The following EML5 variants were observed in gnomAD, a reference collection of about 807,000 sequenced individuals.
EML5 encodes EMAP like 5.
EML5 carries 120 observed loss-of-function variants against 250.0 expected under a neutral mutation model. The ratio of observed to expected loss-of-function variants is 0.48; its 90% confidence interval spans 0.41 to 0.56. The LOEUF is 0.56. Ranked by LOEUF, EML5 falls within the 20% of genes least tolerant of loss-of-function variation. The pLI is 0.00. For missense variants in EML5, 2,006 were observed against 2,437.6 expected (o/e 0.82, Z 3.73); for synonymous variants, 771 against 806.5 (o/e 0.96, Z 0.75).
Position 88,635,354 on chromosome 14 carries a change from A to C in EML5, c.4337-865T>G, listed in dbSNP as rs181322785. ...AGACCACATAGGAAATATCATTTTT[A>C]GTTATGAATATGCTCTATTAACAAC... is the stretch of plus-strand genomic sequence containing the variant. On this transcript the variant is annotated intron_variant, in intron 32 of 43. Coordinates refer to ENST00000554922, the MANE Select transcript of EML5 (RefSeq NM_183387.3). Among the ~76,000 whole-genome samples the C allele has an allele frequency of 1.6e-4, 24 of 152,360 alleles. No individual in the cohort carries two copies. The East Asian group carries it at 3.9e-3, about 24-fold the overall frequency.
chr14:88,726,392 C>A (rs1304587354), intron 8 of EML5, 149 bp downstream of exon 8: 2 of 489,676 alleles, frequency 4.1e-6, no homozygotes, highest in Non-Finnish European at 6.5e-6. Context: ...AAATTAACAT[C>A]TGAAATATAT....
chr14:88,753,750 C>T (rs535008281), intron 2 of EML5, among the ~76,000 whole-genome samples: 46 of 152,086 alleles, frequency 3.0e-4, no homozygotes, highest in Non-Finnish European at 5.6e-4. Context: ...TTGTTGTGAA[C>T]TTTGATTTTG....
chr14:88,711,279 T>G (rs758835382), intron 10 of EML5, among the ~76,000 whole-genome samples: 1 of 150,484 alleles, frequency 6.6e-6, no homozygotes, highest in Non-Finnish European at 1.5e-5. Context: ...AGGAGAGACC[T>G]GGTGGGAGGT....
intron 17 of EML5, among the ~76,000 whole-genome samples, chr14:88,688,735 T>A (rs894185928): frequency 2.0e-5 from 3 of 152,244 alleles, no homozygotes; most frequent in Non-Finnish European, 4.4e-5. Context: ...TGATGTTTTT[T>A]AAAGTTTTTA....
chr14:88,714,035 G>A (rs1371287957), intron 9 of EML5, among the ~76,000 whole-genome samples: 1 of 148,356 alleles, frequency 6.7e-6, no homozygotes, highest in Non-Finnish European at 1.5e-5. Flanking sequence ...GCAGGGTTTC[G>A]CCATGTTGCC....
chr14:88,697,835 A>G (rs544772353), intron 14 of EML5, among the ~76,000 whole-genome samples: 1 of 152,242 alleles, frequency 6.6e-6, no homozygotes, highest in South Asian at 2.1e-4. Context: ...TCCTGGGTTC[A>G]GGTGATTCTC....
At chr14:88,754,319 A>G (rs2094134656) in intron 2 of EML5, among the ~76,000 whole-genome samples, 193 bp downstream of exon 2, 1 of 152,124 alleles carries the variant, frequency 6.6e-6, no homozygotes, top group South Asian at 2.1e-4. Context: ...AATTAATTCA[A>G]TTGAGAAAGT....
intron 27 of EML5, among the ~76,000 whole-genome samples, chr14:88,652,479 G>A (rs528622533): frequency 6.6e-6 from 1 of 152,218 alleles, no homozygotes; most frequent in East Asian, 1.9e-4. Context: ...AAATCCCTCT[G>A]ACGAAGCTTT....
intron 29 of EML5, among the ~76,000 whole-genome samples, chr14:88,646,361 T>A (rs998086796): frequency 1.3e-5 from 2 of 152,190 alleles, no homozygotes; most frequent in African/African-American, 2.4e-5. Flanking sequence ...CAAGAATATA[T>A]AAACAATGTT....
chr14:88,769,549 G>T (rs1054137702), intron 1 of EML5, among the ~76,000 whole-genome samples: 1 of 152,076 alleles, frequency 6.6e-6, no homozygotes, highest in African/African-American at 2.4e-5. Context: ...TATCTAAAAG[G>T]GCTCCTTAGG....
chr14:88,707,010 C>T (rs1345550887), intron 10 of EML5, among the ~76,000 whole-genome samples: 1 of 151,982 alleles, frequency 6.6e-6, no homozygotes, highest in African/African-American at 2.4e-5. Context: ...TTTAAAAATC[C>T]AGATATTTAA....
Position 88,614,920 on chromosome 14 carries a change from G to A in EML5, c.*898C>T, listed in dbSNP as rs879699254. On this transcript the variant is annotated 3_prime_UTR_variant, in exon 44 of 44. Transcript: ENST00000554922. ...AAGAGTGATTAAATTGTATAATGTTGTATATGTGAATTTAACACTTTTGTT... is the reference window on the plus strand; with the variant it reads ...AAGAGTGATTAAATTGTATAATGTTATATATGTGAATTTAACACTTTTGTT... The A allele has an allele frequency of 2.0e-5, 3 of 152,118 alleles. No individual in the cohort carries two copies. Among genetic ancestry groups the A allele is most frequent in the Admixed American group, 2.0e-4 (3 of 15,274 alleles). 9.4% of individuals were successfully genotyped at this position (152,118 alleles called of 1,614,324 possible). A position where few individuals can be genotyped will look rare whatever the true frequency, so the allele number is the denominator to read the frequency against.
At chr14:88,751,888 T>C (rs941009626) in intron 2 of EML5, among the ~76,000 whole-genome samples, 1 of 152,166 alleles carries the variant, frequency 6.6e-6, no homozygotes, top group Non-Finnish European at 1.5e-5. Context: ...ATTAACTGAA[T>C]TGGAAGTATC....
intron 36 of EML5, chr14:88,624,178 G>A (rs2089552073): frequency 6.6e-6 from 1 of 152,254 alleles, no homozygotes; most frequent in African/African-American, 2.4e-5. Context: ...CCAGGCTCAA[G>A]TGATCCTCCC....
intron 7 of EML5, 139 bp downstream of exon 7, chr14:88,736,225 C>T (rs8003018): frequency 0.57 from 493,568 of 860,588 alleles, 149,883 homozygotes; most frequent in East Asian, 0.93. Context: ...GGTCTCAATC[C>T]CTTGACCTTG....
intron 23 of EML5, 107 bp downstream of exon 23, chr14:88,664,386 C>T: frequency 2.2e-6 from 2 of 896,732 alleles, no homozygotes; most frequent in Non-Finnish European, 3.1e-6. Context: ...GGTTGTTTTT[C>T]CCAATTCTTT....
intron 31 of EML5, among the ~76,000 whole-genome samples, chr14:88,642,349 C>A (rs1376483560): frequency 6.6e-6 from 1 of 152,144 alleles, no homozygotes; most frequent in African/African-American, 2.4e-5. Context: ...AACTGAATAA[C>A]CCAATCAGTT....
chr14:88,753,630 T>C (rs953466778), intron 2 of EML5, among the ~76,000 whole-genome samples: 1 of 152,168 alleles, frequency 6.6e-6, no homozygotes, highest in African/African-American at 2.4e-5. Context: ...ACAATTTCCA[T>C]AAAAGCACCA....
chr14:88,682,318 T>C (rs1329371480), intron 20 of EML5, among the ~76,000 whole-genome samples: 1 of 152,054 alleles, frequency 6.6e-6, no homozygotes, highest in African/African-American at 2.4e-5. Flanking sequence ...CTCTGCAATG[T>C]TAATAATTGC....
Sources: gnomAD v4.1 joint callset for allele counts (sites outside exome capture counted in the v4.1 genomes callset) on GRCh38, gnomAD v4.1.1 for gene constraint, MANE v1.5 for transcripts, NCBI Gene and HGNC (gene_info 2026-07-23, HGNC 2026-07-21) for gene names.